HIVEP1: variants seen among roughly 807,000 people sequenced by gnomAD.
The protein encoded by HIVEP1 is zinc finger protein 40.
In HIVEP1, 36 loss-of-function variants were observed where a neutral mutation model predicts 180.0. That is an observed-to-expected ratio of 0.20 (90% CI 0.15 to 0.26). HIVEP1 has a LOEUF of 0.26. Ranked by LOEUF, HIVEP1 falls within the 10% of genes least tolerant of loss-of-function variation. The pLI is 1.00. For missense variants in HIVEP1, 3,143 were observed against 3,268.7 expected, an observed-to-expected ratio of 0.96 and a Z score of 0.94; for synonymous variants, 1,239 against 1,239.0, an observed-to-expected ratio of 1.00 and a Z score of 0.00.
chr6:12,069,828 A>G lies in HIVEP1; in HGVS notation c.41-19356A>G, dbSNP rs569936833. Among the ~76,000 whole-genome samples the G allele has an allele frequency of 1.7e-3, 248 of 148,748 alleles. 2 individuals are homozygous for G. The highest frequency in any genetic ancestry group is 5.4e-3 in the African/African-American group (222 of 41,302). ...TAATTTTTAACTTTTTGACTCTTCTATGATAACATCTAGCTTAAAGCAAAC... is the reference window on the plus strand; with the variant it reads ...TAATTTTTAACTTTTTGACTCTTCTGTGATAACATCTAGCTTAAAGCAAAC... On this transcript the variant is annotated intron_variant, in intron 2 of 8. Coordinates refer to ENST00000379388, the MANE Select transcript of HIVEP1 (RefSeq NM_002114.4).
chr6:12,023,439 A>C (rs2113611294), intron 2 of HIVEP1, among the ~76,000 whole-genome samples: 1 of 152,382 alleles, frequency 6.6e-6, no homozygotes, highest in South Asian at 2.1e-4. Context: ...TGAGAAATCA[A>C]AAATCTTGTA....
chr6:12,011,157 A>C (rs1258973428), upstream of HIVEP1, among the ~76,000 whole-genome samples: 1 of 152,022 alleles, frequency 6.6e-6, no homozygotes, highest in Non-Finnish European at 1.5e-5. Context: ...TCTCCAAACC[A>C]ACACCCTGCC....
intron 3 of HIVEP1, among the ~76,000 whole-genome samples, chr6:12,098,751 TGGGA>T (rs1276593154): frequency 6.6e-6 from 1 of 152,056 alleles, no homozygotes; most frequent in East Asian, 1.9e-4. Context: ...GATAAAGAAC[TGGGA>T]GGAAGTCTAT....
chr6:12,014,100 C>T (rs187104723), intron 1 of HIVEP1, among the ~76,000 whole-genome samples: 33 of 152,302 alleles, frequency 2.2e-4, no homozygotes, highest in African/African-American at 7.9e-4. Flanking sequence ...TTATAACAAC[C>T]TTCTGATGTG....
intron 2 of HIVEP1, among the ~76,000 whole-genome samples, chr6:12,027,604 A>G (rs1034542782): frequency 2.8e-4 from 42 of 152,206 alleles, no homozygotes; most frequent in African/African-American, 9.2e-4. Flanking sequence ...TCCATTTCCA[A>G]TGCTGTACAT....
upstream of HIVEP1, among the ~76,000 whole-genome samples, chr6:12,009,053 A>AG (rs1312508899): frequency 6.7e-6 from 1 of 150,012 alleles, no homozygotes; most frequent in African/African-American, 2.5e-5. Flanking sequence ...CGGAGGGCCG[A>AG]GGGGAGGGAC....
chr6:12,181,556 G>T, the HIVEP1 span, among the ~76,000 whole-genome samples: 30 of 151,804 alleles, frequency 2.0e-4, no homozygotes, highest in Non-Finnish European at 2.5e-4. Flanking sequence ...GACTACAGGC[G>T]CATGCCACCA....
chr6:12,129,767 A>G lies in HIVEP1; in HGVS notation c.6084A>G (p.Leu2028=), dbSNP rs762789837. The stretch of plus-strand genomic sequence containing the variant: ...CTCTTTTTTCCTTTCAGAGAGCATT[A>G]GGTAATCAAAAGTCCACAGTAGTTG... ...KWKSSLSKRA[L]GNQKSTVVEF... Residue 2028 remains leucine, a synonymous_variant, in exon 5 of 9, where the codon TTA becomes TTG. Coordinates refer to ENST00000379388, the MANE Select transcript of HIVEP1 (RefSeq NM_002114.4). The G allele has an allele frequency of 2.2e-5, 36 of 1,601,968 alleles. No homozygotes were observed. The highest frequency in any genetic ancestry group is 3.0e-5 in the Non-Finnish European group (35 of 1,169,292).
intron 3 of HIVEP1, among the ~76,000 whole-genome samples, chr6:12,095,159 A>G (rs9369081): frequency 0.37 from 56,711 of 151,658 alleles, 10,838 homozygotes; most frequent in Middle Eastern, 0.62. Context: ...TTTCTTGATT[A>G]GTGTTGCCAG....
intron 2 of HIVEP1, among the ~76,000 whole-genome samples, chr6:12,019,751 A>T (rs138810224): frequency 6.6e-6 from 1 of 152,272 alleles, no homozygotes; most frequent in Non-Finnish European, 1.5e-5. Context: ...TTAGAATGTA[A>T]TCTTTCTTTG....
At chr6:12,117,348 A>G (rs766363598) in intron 3 of HIVEP1, among the ~76,000 whole-genome samples, 69 of 152,240 alleles carry the variant, frequency 4.5e-4, no homozygotes, top group Non-Finnish European at 9.3e-4. Context: ...GGTCATCTAT[A>G]TGTAAAATCA....
In HIVEP1 at chr6:12,115,350, C is replaced by CTTTTTTTTTT. The variant is rs34074662; in HGVS notation, c.95-4522_95-4513dup. Among the ~76,000 whole-genome samples the CTTTTTTTTTT allele has an allele frequency of 3.3e-3, 247 of 75,282 alleles. 31 individuals carry two copies. The highest frequency in any genetic ancestry group is 0.013 in the African/African-American group (232 of 18,510). The allele number at this position is 75,282 out of a possible 152,430, so 49.4% of individuals were successfully genotyped here. A position where few individuals can be genotyped will look rare whatever the true frequency, so the allele number is the denominator to read the frequency against. ...CTTAACTTATACTTCCCCAACTATTCTTTTTTTTTTTTTTTTTTTTTTTTT... is the reference window on the plus strand; with the variant it reads ...CTTAACTTATACTTCCCCAACTATTCTTTTTTTTTTTTTTTTTTTTTTTTTTTTTTTTTTT... On this transcript the variant is annotated intron_variant, in intron 3 of 8. Coordinates refer to ENST00000379388, the MANE Select transcript of HIVEP1 (RefSeq NM_002114.4).
chr6:12,066,779 TTTC>T (rs1209620734), intron 2 of HIVEP1, among the ~76,000 whole-genome samples: 3 of 152,192 alleles, frequency 2.0e-5, no homozygotes. Flanking sequence ...CTCTGAGCTA[TTTC>T]TTCAAGGTAA....
chr6:12,151,256 G>A (rs952900848), intron 7 of HIVEP1, among the ~76,000 whole-genome samples: 1 of 152,108 alleles, frequency 6.6e-6, no homozygotes, highest in African/African-American at 2.4e-5. Flanking sequence ...AGAAACATTT[G>A]TTTATAATGA....
chr6:12,146,833 C>T (rs1172839478), intron 7 of HIVEP1, among the ~76,000 whole-genome samples: 1 of 151,882 alleles, frequency 6.6e-6, no homozygotes, highest in East Asian at 1.9e-4. Context: ...TTACTATCGC[C>T]CAGGAGCTCC....
Position 12,121,838 on chromosome 6 carries a change from T to C in HIVEP1, c.2043T>C (p.Ser681=), listed in dbSNP as rs373575414. The C allele has an allele frequency of 1.2e-6, 2 of 1,614,036 alleles. No individual in the cohort carries two copies. Among genetic ancestry groups the C allele is most frequent in the Non-Finnish European group, 1.7e-6 (2 of 1,180,048 alleles). ...TDSGYFSRSE[S]ADQTVSPPTP... Reference sequence around the variant, plus strand: ...CTGGTTACTTTTCACGTTCTGAAAGTGCCGATCAAACAGTGAGTCCACCAA... The same window carrying C: ...CTGGTTACTTTTCACGTTCTGAAAGCGCCGATCAAACAGTGAGTCCACCAA... Residue 681 remains serine (S), a synonymous_variant, in exon 4 of 9, where the codon AGT becomes AGC. Transcript: ENST00000379388. The surrounding 1 kb of genome is among the most constrained non-coding windows in gnomAD (Gnocchi z 5.3).
Position 12,023,278 on chromosome 6 carries a change from C to T in HIVEP1, c.40+7610C>T, listed in dbSNP as rs143357402. On this transcript the variant is annotated intron_variant, in intron 2 of 8. Coordinates refer to ENST00000379388, the MANE Select transcript of HIVEP1 (RefSeq NM_002114.4). ...GTCTACTACCAGGAATAAAATCTTA[C>T]GTTTACTTGTTATGTAGGGATTATC... Among the ~76,000 whole-genome samples, 78 of 152,274 alleles carry T rather than the reference C, an allele frequency of 5.1e-4. 1 individual carries two copies. Among genetic ancestry groups the T allele is most frequent in the African/African-American group, 1.6e-3 (68 of 41,554 alleles).
chr6:12,017,649 G>A (rs2113579695), intron 2 of HIVEP1, among the ~76,000 whole-genome samples: 2 of 139,816 alleles, frequency 1.4e-5, no homozygotes, highest in Middle Eastern at 4.8e-3. Flanking sequence ...GAGCTGATTG[G>A]TCCATTTTGA....
At position 12,123,304 on chromosome 6, in the gene HIVEP1, A is replaced by C; in HGVS notation, c.3509A>C (p.Lys1170Thr). 1 of 1,614,166 alleles carries C rather than the reference A, an allele frequency of 6.2e-7. No homozygotes were observed. Reference protein sequence around the residue: ...VSFQELNRTGKSGSLKVIGIS... With the variant: ...VSFQELNRTGTSGSLKVIGIS... ...TTCCAGGAGCTGAATAGAACGGGGA[A>C]GTCCGGGTCTCTAAAAGTGATAGGA... The change falls in exon 4 of 9, where the codon AAG becomes ACG. Residue 1170 changes from lysine (K) to threonine (T), a missense_variant. Lys to Thr is a moderately conservative substitution (Grantham distance 78, BLOSUM62 -1). This residue lies in a region of HIVEP1 where 1,357 missense variants were observed against 1,260.5 expected (regional missense o/e 1.08). Coordinates refer to ENST00000379388, the MANE Select transcript of HIVEP1 (RefSeq NM_002114.4).
Sources: allele counts gnomAD v4.1 joint callset (sites outside exome capture counted in the v4.1 genomes callset), GRCh38; gene constraint gnomAD v4.1.1; regional missense constraint gnomAD v4.1.1; non-coding constraint Gnocchi (gnomAD v3.1); transcripts MANE v1.5; gene names NCBI Gene and HGNC (gene_info 2026-07-23, HGNC 2026-07-21).